BCAN: variants seen among roughly 807,000 people sequenced by gnomAD.
BCAN encodes brevican.
A neutral mutation model predicts 92.4 loss-of-function variants in BCAN; 51 were observed. That is an observed-to-expected ratio of 0.55 (90% CI 0.44 to 0.70). The LOEUF is 0.70. Ranked by LOEUF, BCAN falls within the 30% of genes least tolerant of loss-of-function variation. The probability of loss-of-function intolerance (pLI) is 0.00; values close to 1 mark genes in which losing one functional copy is unlikely to be tolerated. For synonymous variants in BCAN, 501 were observed against 505.2 expected, an observed-to-expected ratio of 0.99 and a Z score of 0.11; for missense variants, 1,140 against 1,212.1, an observed-to-expected ratio of 0.94 and a Z score of 0.88.
In BCAN at chr1:156,647,925, A is replaced by G; in HGVS notation, c.642-58A>G. 6.2e-7 allele frequency: 1 copy of G among 1,606,986 alleles called. No individual in the cohort carries two copies. Among genetic ancestry groups the G allele is most frequent in the Non-Finnish European group, 8.5e-7 (1 of 1,173,990 alleles). ...GGCAGTGGGGTTCAATAGAATCAATATGGGCTGGCTCCCTGGTGAAAGCAT... is the reference window on the plus strand; with the variant it reads ...GGCAGTGGGGTTCAATAGAATCAATGTGGGCTGGCTCCCTGGTGAAAGCAT... On this transcript the variant is annotated intron_variant, in intron 4 of 13. Coordinates refer to ENST00000329117, the MANE Select transcript of BCAN (RefSeq NM_021948.5). This position sits in a 1 kb window ranked among gnomAD's most constrained non-coding sequence, Gnocchi z 4.8.
In BCAN at chr1:156,659,112, C is replaced by T. The variant is rs267598078; in HGVS notation, c.2714C>T (p.Ser905Phe). 10 of 1,584,118 alleles carry T rather than the reference C, an allele frequency of 6.3e-6. No individual in the cohort carries two copies. Among genetic ancestry groups the T allele is most frequent in the Admixed American group, 1.9e-5 (1 of 53,496 alleles). Residue 905 changes from serine (S) to phenylalanine (F), a missense_variant, in exon 14 of 14, where the codon TCC becomes TTC. This residue lies in a region of BCAN where 825 missense variants were observed against 871.8 expected (regional missense o/e 0.95). Transcript: ENST00000329117. ...GRWKALLIPP[S>F]SPMPGP ...TGGAAGGCGCTGTTGATCCCCCCTTCCAGCCCCATGCCAGGTCCCTAGGGG... is the reference window on the plus strand; with the variant it reads ...TGGAAGGCGCTGTTGATCCCCCCTTTCAGCCCCATGCCAGGTCCCTAGGGG...
At chr1:156,649,474 T>C (rs535813512) in intron 6 of BCAN, among the ~76,000 whole-genome samples, 2 of 152,246 alleles carry the variant, frequency 1.3e-5, no homozygotes, top group East Asian at 3.9e-4. Context: ...GTGATCATGG[T>C]TCATTGTAGC....
In BCAN at chr1:156,652,886, G is replaced by C. The variant is rs572158127; in HGVS notation, c.1936G>C (p.Ala646Pro). 9.3e-6 allele frequency: 15 copies of C among 1,613,310 alleles called. No homozygotes were observed. The highest frequency in any genetic ancestry group is 1.3e-5 in the Non-Finnish European group (15 of 1,179,956). ...ASRGGVAVVPASGDCVPSPCH... is the reference protein window; with the variant it reads ...ASRGGVAVVPPSGDCVPSPCH... Reference sequence around the variant, plus strand: ...CCGAGGTGGAGTGGCCGTGGTCCCCGCATCAGGTAATTCTGCCCAAGGCTC... The same window carrying C: ...CCGAGGTGGAGTGGCCGTGGTCCCCCCATCAGGTAATTCTGCCCAAGGCTC... Residue 646 changes from alanine (A) to proline (P), a missense_variant, in exon 8 of 14, where the codon GCA becomes CCA. Physicochemically the swap from Ala to Pro is conservative, Grantham distance 27 (BLOSUM62 -1). Around this residue, in one of 3 missense-constraint regions of BCAN, gnomAD observed 825 missense variants for 871.8 expected, o/e 0.95. Coordinates refer to ENST00000329117, the MANE Select transcript of BCAN (RefSeq NM_021948.5).
chr1:156,652,550 A>G lies in BCAN; in HGVS notation c.1600A>G (p.Arg534Gly), dbSNP rs770457358. The G allele has an allele frequency of 7.4e-6, 12 of 1,613,914 alleles. No individual in the cohort carries two copies. The highest frequency in any genetic ancestry group is 4.5e-5 in the East Asian group (2 of 44,870). ...DGESEASRPP[R>G]VHGPPTETLP... Reference sequence around the variant, plus strand: ...AGAGTCAGAAGCTTCCAGGCCTCCAAGGGTCCATGGACCACCTACTGAGAC... The same window carrying G: ...AGAGTCAGAAGCTTCCAGGCCTCCAGGGGTCCATGGACCACCTACTGAGAC... The change falls in exon 8 of 14, where the codon AGG becomes GGG. Residue 534 changes from arginine to glycine, a missense_variant. Arg to Gly is a moderately radical substitution (Grantham distance 125, BLOSUM62 -2). Around this residue, in one of 3 missense-constraint regions of BCAN, gnomAD observed 825 missense variants for 871.8 expected, o/e 0.95. Transcript: ENST00000329117.
chr1:156,648,584 T>C lies in BCAN; in HGVS notation c.786T>C (p.Gly262=), dbSNP rs773827090. The change falls in exon 6 of 14, where the codon GGT becomes GGC. Residue 262 remains glycine, a synonymous_variant. Transcript: ENST00000329117. ...AEDLNGELFL[G]DPPEKLTLEE... ...TCCACCCAGGAGAACTGTTCCTGGG[T>C]GACCCTCCAGAGAAGCTGACATTGG... 1.9e-6 allele frequency: 3 copies of C among 1,594,884 alleles called. No individual in the cohort carries two copies. The highest frequency in any genetic ancestry group is 2.6e-6 in the Non-Finnish European group (3 of 1,164,528).
intron 11 of BCAN, 26 bp downstream of exon 11, chr1:156,657,783 C>T (rs369269472): frequency 2.5e-6 from 4 of 1,590,040 alleles, no homozygotes; most frequent in Non-Finnish European, 3.4e-6. Flanking sequence ...CGAACCCCGC[C>T]GTCTAGCTCA....
chr1:156,659,095 G>A lies in BCAN; in HGVS notation c.2697G>A (p.Ala899=), dbSNP rs112681683. 9.4e-6 allele frequency: 15 copies of A among 1,593,718 alleles called. No homozygotes were observed. The highest frequency in any genetic ancestry group is 3.4e-5 in the South Asian group (3 of 87,216). The change falls in exon 14 of 14, where the codon GCG becomes GCA. Residue 899 remains alanine, a synonymous_variant. Coordinates refer to ENST00000329117, the MANE Select transcript of BCAN (RefSeq NM_021948.5). ...RQGRLLGRWK[A]LLIPPSSPMP... Reference sequence around the variant, plus strand: ...GGAGGCTACTGGGACGCTGGAAGGCGCTGTTGATCCCCCCTTCCAGCCCCA... The same window carrying A: ...GGAGGCTACTGGGACGCTGGAAGGCACTGTTGATCCCCCCTTCCAGCCCCA...
rs182341835 is a variant in BCAN at position 156,658,910 on chromosome 1, T to C, written c.2629-117T>C. 369 of 1,318,710 alleles carry C rather than the reference T, an allele frequency of 2.8e-4. 1 individual carries two copies. In the African/African-American group the frequency reaches 4.9e-3, roughly 18 times the overall value. The allele number at this position is 1,318,710 out of a possible 1,614,324, so 81.7% of individuals were successfully genotyped here. ...CTGGGGTTCCTTCAGTGCTGATGTC[T>C]GATAACATGCAGCCCCATTCTGGGC... On this transcript the variant is annotated intron_variant, in intron 13 of 13. Coordinates refer to ENST00000329117, the MANE Select transcript of BCAN (RefSeq NM_021948.5). The surrounding 1 kb of genome is among the most constrained non-coding windows in gnomAD (Gnocchi z 4.4).
In BCAN at chr1:156,658,138, C is replaced by T; in HGVS notation, c.2304C>T (p.Asn768=). The change falls in exon 12 of 14, where the codon AAC becomes AAT. Residue 768 remains asparagine, a synonymous_variant. Coordinates refer to ENST00000329117, the MANE Select transcript of BCAN (RefSeq NM_021948.5). This position sits in a 1 kb window ranked among gnomAD's most constrained non-coding sequence, Gnocchi z 4.4. The part of the protein sequence containing the change: ...WSDGVPLLYE[N]WNPGQPDSYF... The stretch of plus-strand genomic sequence containing the variant: ...CTCCGTTCCCCCAGCTCTATGAGAA[C>T]TGGAACCCTGGGCAGCCTGACAGCT... The T allele has an allele frequency of 1.2e-6, 2 of 1,613,960 alleles. No homozygotes were observed. The highest frequency in any genetic ancestry group is 1.7e-6 in the Non-Finnish European group (2 of 1,179,908).
In BCAN at chr1:156,646,684, G is replaced by T. The variant is rs927840743; in HGVS notation, c.92-117G>T. 17 of 1,454,000 alleles carry T rather than the reference G, an allele frequency of 1.2e-5. No homozygotes were observed. The Admixed American group carries it at 1.6e-4, about 14-fold the overall frequency. 90.1% of individuals were successfully genotyped at this position (1,454,000 alleles called of 1,614,324 possible). ...CCTGGCCCCTGGCCCCTGGTCCTAGGGGGGCCGGGGAATCCTGGGGCCGGA... is the reference window on the plus strand; with the variant it reads ...CCTGGCCCCTGGCCCCTGGTCCTAGTGGGGCCGGGGAATCCTGGGGCCGGA... On this transcript the variant is annotated intron_variant, in intron 2 of 13. Transcript: ENST00000329117.
rs975713000 is a variant in BCAN at position 156,653,168 on chromosome 1, C to T, written c.1942+276C>T. The stretch of plus-strand genomic sequence containing the variant: ...GCCATTGGGCCCTCCACCTGTGGCT[C>T]ACATCTCGCCAGCCCCACAGAGCAT... On this transcript the variant is annotated intron_variant, in intron 8 of 13. Transcript: ENST00000329117. 15 of 1,389,320 alleles carry T rather than the reference C, an allele frequency of 1.1e-5. No homozygotes were observed. In the Admixed American group the frequency reaches 2.7e-4, roughly 25 times the overall value. The allele number at this position is 1,389,320 out of a possible 1,614,324, so 86.1% of individuals were successfully genotyped here. A position where few individuals can be genotyped will look rare whatever the true frequency, so the allele number is the denominator to read the frequency against.
chr1:156,647,982 G>GGC lies in BCAN; in HGVS notation c.642_643insCG (p.Tyr215ArgfsTer42). ...TAAGTGATTCTGTCCTTCCTCCCTA[G>GGC]GTATCCCATCCAGACCCCACGAGAG... is the stretch of plus-strand genomic sequence containing the variant. On this transcript the variant is annotated frameshift_variant and splice_region_variant. Coordinates refer to ENST00000329117, the MANE Select transcript of BCAN (RefSeq NM_021948.5). LOFTEE classifies it high-confidence loss of function. This position sits in a 1 kb window ranked among gnomAD's most constrained non-coding sequence, Gnocchi z 4.8. 6.2e-7 allele frequency: 1 copy of GGC among 1,613,158 alleles called. No homozygotes were observed. Among genetic ancestry groups the GGC allele is most frequent in the South Asian group, 1.1e-5 (1 of 91,070 alleles).
rs561182105 is a variant in BCAN, at chr1:156,647,404, A to G, written c.467-104A>G. ...TCCCTCATGCTGTAGAGTGAGCACA[A>G]TTGAACTTTATTTACCCTTGTGTAC... On this transcript the variant is annotated intron_variant, in intron 3 of 13. Transcript: ENST00000329117. This position sits in a 1 kb window ranked among gnomAD's most constrained non-coding sequence, Gnocchi z 4.8. The G allele has an allele frequency of 4.7e-6, 6 of 1,282,372 alleles. No homozygotes were observed. In the South Asian group the frequency reaches 6.0e-5, roughly 13 times the overall value. The allele number at this position is 1,282,372 out of a possible 1,614,324, so 79.4% of individuals were successfully genotyped here.
In BCAN at chr1:156,659,011, T is replaced by A. The variant is rs747531627; in HGVS notation, c.2629-16T>A. The stretch of plus-strand genomic sequence containing the variant: ...AGGAAGAGCCAGGGTGGAGGGTGAG[T>A]GTGTGTCTTCCCCAGGCCCGAGCTC... On this transcript the variant is annotated splice_polypyrimidine_tract_variant and intron_variant, in intron 13 of 13. Coordinates refer to ENST00000329117, the MANE Select transcript of BCAN (RefSeq NM_021948.5). The A allele has an allele frequency of 1.9e-6, 3 of 1,578,336 alleles. No homozygotes were observed. Among genetic ancestry groups the A allele is most frequent in the Non-Finnish European group, 2.6e-6 (3 of 1,161,516 alleles).
rs1234268051 is a variant in BCAN at position 156,652,597 on chromosome 1, G to C, written c.1647G>C (p.Arg549Ser). The C allele has an allele frequency of 5.6e-6, 9 of 1,614,084 alleles. 1 individual carries two copies. The South Asian group carries it at 9.9e-5, about 18-fold the overall frequency. Residue 549 changes from arginine to serine, a missense_variant, in exon 8 of 14, where the codon AGG becomes AGC. This residue lies in a region of BCAN where 825 missense variants were observed against 871.8 expected (regional missense o/e 0.95). Coordinates refer to ENST00000329117, the MANE Select transcript of BCAN (RefSeq NM_021948.5). ...AGACTCTGCCCACTCCCAGGGAGAG[G>C]AACCTAGCATCCCCATCACCTTCCA... ...PTETLPTPRE[R>S]NLASPSPSTL... is the part of the protein sequence containing the mutation.
Position 156,651,522 on chromosome 1 carries a change from T to A in BCAN, c.1130T>A (p.Leu377Gln). The A allele has an allele frequency of 6.2e-7, 1 of 1,614,042 alleles. No homozygotes were observed. The highest frequency in any genetic ancestry group is 8.5e-7 in the Non-Finnish European group (1 of 1,180,002). Residue 377 changes from leucine (L) to glutamine (Q), a missense_variant, in exon 7 of 14, where the codon CTA becomes CAA. Around this residue, in one of 3 missense-constraint regions of BCAN, gnomAD observed 825 missense variants for 871.8 expected, o/e 0.95. Transcript: ENST00000329117. ...GCCTCCAACCCAGCCTCTGATGGAC[T>A]AGAGGCTATCGTCACAGTGACAGAG... ...NPASNPASDGLEAIVTVTETL... is the reference protein window; with the variant it reads ...NPASNPASDGQEAIVTVTETL...
chr1:156,644,160 G>T (rs1293408424), intron 1 of BCAN: 1 of 152,262 alleles, frequency 6.6e-6, no homozygotes, highest in Non-Finnish European at 1.5e-5. Context: ...TGCCCTCCAT[G>T]TTCCAGAGCA....
intron 9 of BCAN, 100 bp from the exon 10 acceptor site, chr1:156,656,838 C>T: frequency 6.7e-7 from 1 of 1,502,374 alleles, no homozygotes; most frequent in Non-Finnish European, 9.0e-7. Flanking sequence ...CTTAGTCCCG[C>T]CCCTCTCGGC....
At chr1:156,643,646 A>AGAGAGAG (rs1203793871) in intron 1 of BCAN, 2 of 151,886 alleles carry the variant, frequency 1.3e-5, no homozygotes, top group East Asian at 3.9e-4. Flanking sequence ...AGAGAGAGAG[A>AGAGAGAG]GAGAGAGAGA....
Sources: gnomAD v4.1 joint callset for allele counts (sites outside exome capture counted in the v4.1 genomes callset) on GRCh38, gnomAD v4.1.1 for gene constraint, gnomAD v4.1.1 regional missense constraint, Gnocchi (gnomAD v3.1) non-coding constraint, MANE v1.5 for transcripts, NCBI Gene and HGNC (gene_info 2026-07-23, HGNC 2026-07-21) for gene names.